The following MDM1 variants were observed in gnomAD, a reference collection of about 807,000 sequenced individuals.
The protein encoded by MDM1 is Mdm1 nuclear protein.
A neutral mutation model predicts 89.1 loss-of-function variants in MDM1; 61 were observed. That is an observed-to-expected ratio of 0.68 (90% CI 0.56 to 0.85). MDM1 has a LOEUF of 0.85. Ranked by LOEUF, MDM1 falls within the 40% of genes least tolerant of loss-of-function variation. The pLI is 0.00. For missense variants in MDM1, 820 were observed against 846.5 expected, an observed-to-expected ratio of 0.97 and a Z score of 0.39; for synonymous variants, 290 against 294.1, an observed-to-expected ratio of 0.99 and a Z score of 0.14.
At chr12:68,327,944 A>G (rs985788916) in intron 2 of MDM1, among the ~76,000 whole-genome samples, 29 of 151,962 alleles carry the variant, frequency 1.9e-4, no homozygotes, top group Admixed American at 1.2e-3. Context: ...CAGATCCTCA[A>G]CTCCACATGT....
intron 13 of MDM1, among the ~76,000 whole-genome samples, chr12:68,302,035 T>C (rs1772201237): frequency 6.6e-6 from 1 of 152,112 alleles, no homozygotes; most frequent in Non-Finnish European, 1.5e-5. Flanking sequence ...GTGAGAATTT[T>C]CCAGATTGAA....
chr12:68,297,558 G>C (rs1187333090), intron 13 of MDM1, among the ~76,000 whole-genome samples: 1 of 152,192 alleles, frequency 6.6e-6, no homozygotes, highest in Non-Finnish European at 1.5e-5. Flanking sequence ...GTGAAGGGAA[G>C]ACTGAACCAG....
chr12:68,301,290 T>C (rs191321974), intron 13 of MDM1, among the ~76,000 whole-genome samples: 1 of 152,312 alleles, frequency 6.6e-6, no homozygotes, highest in Non-Finnish European at 1.5e-5. Flanking sequence ...TTAAAAGGAA[T>C]GAAATAATGT....
chr12:68,327,260 A>G (rs962977), intron 2 of MDM1: 999,498 of 1,401,630 alleles, frequency 0.71, 358,263 homozygotes, highest in African/African-American at 0.81. Flanking sequence ...ATTAAAAATC[A>G]GGGGGTCACA....
intron 5 of MDM1, 113 bp from the exon 6 acceptor site, chr12:68,321,741 G>A: frequency 3.3e-6 from 2 of 608,708 alleles, no homozygotes; most frequent in Non-Finnish European, 5.4e-6. Context: ...ATTTTTAGAA[G>A]CTTTAGATAC....
intron 12 of MDM1, 143 bp downstream of exon 12, chr12:68,313,300 G>A (rs936892188): frequency 1.6e-6 from 1 of 621,824 alleles, no homozygotes; most frequent in East Asian, 2.8e-5. Flanking sequence ...CAAGCCTTTT[G>A]CCTTACTAAA....
intron 2 of MDM1, among the ~76,000 whole-genome samples, chr12:68,329,221 C>T (rs895010052): frequency 6.6e-6 from 1 of 152,166 alleles, no homozygotes; most frequent in Non-Finnish European, 1.5e-5. Flanking sequence ...TAGCACCCTG[C>T]CGGAGAAGCA....
chr12:68,296,985 TAAAAA>T lies in MDM1; in HGVS notation c.2003-8_2003-4del, dbSNP rs748277745. On this transcript the variant is annotated splice_polypyrimidine_tract_variant and splice_region_variant and intron_variant, in intron 13 of 14. Transcript: ENST00000682720. ...ATTGTTCATCCTTGCTTTTCCCACT[TAAAAA>T]AAAAAAGGCAGAATAAATTATCCTT... 1 of 921,902 alleles carries T rather than the reference TAAAAA, an allele frequency of 1.1e-6. No homozygotes were observed. Among genetic ancestry groups the T allele is most frequent in the African/African-American group, 1.8e-5 (1 of 57,058 alleles). 57.1% of individuals were successfully genotyped at this position (921,902 alleles called of 1,614,324 possible). A position where few individuals can be genotyped will look rare whatever the true frequency, so the allele number is the denominator to read the frequency against.
intron 4 of MDM1, among the ~76,000 whole-genome samples, chr12:68,323,672 A>G (rs1875554135): frequency 6.6e-6 from 1 of 152,126 alleles, no homozygotes. Context: ...GTATTTTATT[A>G]AGGCAAAGAA....
chr12:68,302,985 A>ACACCACC, intron 12 of MDM1, 113 bp from the exon 13 acceptor site: 2 of 966,794 alleles, frequency 2.1e-6, no homozygotes, highest in Non-Finnish European at 2.9e-6. Flanking sequence ...GAGAAATATG[A>ACACCACC]GAGAATTTAT....
At chr12:68,325,641 G>A in intron 3 of MDM1, 66 bp from the exon 4 acceptor site, 8 of 1,407,678 alleles carry the variant, frequency 5.7e-6, no homozygotes, top group East Asian at 2.6e-5. Flanking sequence ...TAAAAATTGT[G>A]GTAAAAAATG....
At position 68,332,241 on chromosome 12, in the gene MDM1, G is replaced by A; in HGVS notation, c.5C>T (p.Pro2Leu). The A allele has an allele frequency of 5.1e-6, 8 of 1,583,098 alleles. No homozygotes were observed. Among genetic ancestry groups the A allele is most frequent in the South Asian group, 1.2e-5 (1 of 86,882 alleles). ...CCCCAGCCTCACCTTGAAGCGCACCGGCATGTCGCCCGGCGCCGGAGCCCC... is the reference window on the plus strand; with the variant it reads ...CCCCAGCCTCACCTTGAAGCGCACCAGCATGTCGCCCGGCGCCGGAGCCCC... M[P>L]VRFKGLSEYQ... Residue 2 changes from proline to leucine, a missense_variant, in exon 1 of 15, where the codon CCG becomes CTG. Transcript: ENST00000682720.
chr12:68,315,214 T>G lies in MDM1; in HGVS notation c.1263A>C (p.Glu421Asp). Residue 421 changes from glutamate to aspartate, a missense_variant, in exon 10 of 15, where the codon GAA becomes GAC. Glu to Asp is a conservative substitution (Grantham distance 45, BLOSUM62 2). Transcript: ENST00000682720. ...GTTCTTCCACGATATTTCCTTTTTC[T>G]TCTGGTTCTGTAGAAGGACATTTCT... is the stretch of plus-strand genomic sequence containing the variant. Reference protein sequence around the residue: ...TLQKCPSTEPEEKGNIVEEQP... With the variant: ...TLQKCPSTEPDEKGNIVEEQP... 1 of 1,614,232 alleles carries G rather than the reference T, an allele frequency of 6.2e-7. No individual in the cohort carries two copies. The highest frequency in any genetic ancestry group is 8.5e-7 in the Non-Finnish European group (1 of 1,180,044).
At chr12:68,316,350 G>T (rs1168368807) in intron 8 of MDM1, 97 bp from the exon 9 acceptor site, 8 of 1,358,596 alleles carry the variant, frequency 5.9e-6, no homozygotes, top group Admixed American at 2.5e-5. Context: ...ATACAGCCAG[G>T]GACCAAAGAC....
At chr12:68,325,722 T>C (rs1224032422) in intron 3 of MDM1, 147 bp from the exon 4 acceptor site, 5 of 1,306,496 alleles carry the variant, frequency 3.8e-6, no homozygotes, top group Non-Finnish European at 4.9e-6. Flanking sequence ...ACATGCGCAT[T>C]GTGGTACAGC....
At chr12:68,299,430 T>C (rs11177157) in intron 13 of MDM1, among the ~76,000 whole-genome samples, 26,568 of 151,654 alleles carry the variant, frequency 0.18, 2,806 homozygotes, top group Middle Eastern at 0.33. Flanking sequence ...CCCAGAGAGA[T>C]AGATATCATA....
Position 68,302,885 on chromosome 12 carries a change from A to G in MDM1, c.1750-13T>C, listed in dbSNP as rs763351661. ...CACGACTTTCTTTCTAAATGACAAA[A>G]AAAAAAAAAAAAAAAAGATGCCTAT... On this transcript the variant is annotated splice_polypyrimidine_tract_variant and intron_variant, in intron 12 of 14. Transcript: ENST00000682720. 3 of 1,361,826 alleles carry G rather than the reference A, an allele frequency of 2.2e-6. No homozygotes were observed. Among genetic ancestry groups the G allele is most frequent in the African/African-American group, 1.5e-5 (1 of 66,206 alleles). 84.4% of individuals were successfully genotyped at this position (1,361,826 alleles called of 1,614,324 possible). A position where few individuals can be genotyped will look rare whatever the true frequency, so the allele number is the denominator to read the frequency against.
chr12:68,311,454 TAAG>T (rs1873673859), intron 12 of MDM1, among the ~76,000 whole-genome samples: 3 of 152,286 alleles, frequency 2.0e-5, no homozygotes, highest in East Asian at 3.9e-4. Context: ...CAAGAAGCAA[TAAG>T]AAGAGGTCTT....
intron 13 of MDM1, among the ~76,000 whole-genome samples, chr12:68,299,972 G>C (rs1305006382): frequency 6.6e-6 from 1 of 152,154 alleles, no homozygotes; most frequent in Non-Finnish European, 1.5e-5. Flanking sequence ...AAAACAACTA[G>C]ACTAACAACA....
Sources: allele counts gnomAD v4.1 joint callset (sites outside exome capture counted in the v4.1 genomes callset), GRCh38; gene constraint gnomAD v4.1.1; transcripts MANE v1.5; gene names NCBI Gene and HGNC (gene_info 2026-07-23, HGNC 2026-07-21).